The following CR1 variants were observed in gnomAD, a reference collection of about 807,000 sequenced individuals.
CR1 encodes complement C3b/C4b receptor 1 (Knops blood group), also known as complement receptor type 1.
A neutral mutation model predicts 187.3 loss-of-function variants in CR1; 116 were observed. The observed-to-expected ratio is 0.62, with a 90% CI of 0.53 to 0.72. The LOEUF is 0.72. CR1 is among the 30% of genes least tolerant of loss of function. CR1 has a pLI of 0.00. For synonymous variants in CR1, 576 were observed against 747.1 expected (o/e 0.77, Z 3.73); for missense variants, 1,731 against 2,110.7 (o/e 0.82, Z 3.52).
intron 45 of CR1, among the ~76,000 whole-genome samples, chr1:207,624,256 A>G (rs1408621686): frequency 2.0e-5 from 3 of 152,132 alleles, no homozygotes; most frequent in Non-Finnish European, 4.4e-5. Context: ...GAAAGAAAAA[A>G]AACTTGCAAA....
intron 46 of CR1, among the ~76,000 whole-genome samples, chr1:207,638,177 G>A (rs1217511411): frequency 2.0e-5 from 3 of 152,158 alleles, no homozygotes; most frequent in African/African-American, 7.2e-5. Flanking sequence ...TGGCCTGTCT[G>A]TGGGAATTAT....
intron 35 of CR1, among the ~76,000 whole-genome samples, chr1:207,589,134 T>C (rs569328994): frequency 1.3e-5 from 2 of 152,252 alleles, no homozygotes; most frequent in African/African-American, 4.8e-5. Context: ...GGTAATACAG[T>C]TGAGTTGGAG....
intron 34 of CR1, 146 bp downstream of exon 34, chr1:207,587,711 C>T: frequency 1.6e-6 from 1 of 623,320 alleles, no homozygotes; most frequent in Middle Eastern, 4.0e-4. Flanking sequence ...CCAGCCTGGG[C>T]AACATGGCCA....
At chr1:207,606,294 A>G (rs1470022065) in intron 35 of CR1, among the ~76,000 whole-genome samples, 2 of 152,198 alleles carry the variant, frequency 1.3e-5, no homozygotes, top group African/African-American at 4.8e-5. Flanking sequence ...AGTTAGTAAC[A>G]TGGCTATGCC....
At chr1:207,584,958 T>TA in intron 33 of CR1, 82 bp downstream of exon 33, 1 of 1,562,232 alleles carries the variant, frequency 6.4e-7, no homozygotes, top group African/African-American at 1.4e-5. Context: ...AAGACTATGG[T>TA]ATTTGTTTGT....
intron 35 of CR1, among the ~76,000 whole-genome samples, chr1:207,606,832 T>C (rs988559566): frequency 2.6e-5 from 4 of 152,192 alleles, no homozygotes; most frequent in African/African-American, 7.2e-5. Flanking sequence ...AGAGACTATC[T>C]GAGCACCCAA....
At chr1:207,634,788 T>C (rs1248186405) in intron 46 of CR1, among the ~76,000 whole-genome samples, 3 of 152,062 alleles carry the variant, frequency 2.0e-5, no homozygotes, top group Non-Finnish European at 4.4e-5. Flanking sequence ...GGACATGCTT[T>C]CTGAAGCTGA....
At chr1:207,503,076 T>C (rs148018305) in intron 1 of CR1, among the ~76,000 whole-genome samples, 1 of 152,260 alleles carries the variant, frequency 6.6e-6, no homozygotes, top group Non-Finnish European at 1.5e-5. Context: ...CTCTTAGAAG[T>C]CCCCTTACCC....
intron 45 of CR1, among the ~76,000 whole-genome samples, chr1:207,626,683 T>A (rs1662489776): frequency 1.3e-5 from 2 of 152,188 alleles, no homozygotes; most frequent in African/African-American, 4.8e-5. Context: ...GCAGGCTGAC[T>A]TCTACCTCAA....
chr1:207,622,115 A>G (rs1662332084), intron 44 of CR1, 119 bp downstream of exon 44: 5 of 683,546 alleles, frequency 7.3e-6, no homozygotes, highest in South Asian at 2.4e-5. Flanking sequence ...AGAGATCAAA[A>G]TATCTTCAGT....
chr1:207,592,439 A>G (rs780207315), intron 35 of CR1, among the ~76,000 whole-genome samples: 57 of 152,278 alleles, frequency 3.7e-4, no homozygotes, highest in Middle Eastern at 6.8e-3. Flanking sequence ...TTGATGGAAT[A>G]TGTCCCAAAA....
At chr1:207,590,914 A>T (rs968456261) in intron 35 of CR1, among the ~76,000 whole-genome samples, 2 of 152,238 alleles carry the variant, frequency 1.3e-5, no homozygotes, top group African/African-American at 4.8e-5. Flanking sequence ...TATCCTAAAT[A>T]TATATGCACC....
chr1:207,575,271 A>T (rs1286327330), intron 27 of CR1, among the ~76,000 whole-genome samples: 1 of 152,142 alleles, frequency 6.6e-6, no homozygotes, highest in Non-Finnish European at 1.5e-5. Flanking sequence ...GGCAAAAATA[A>T]TATTTAGAGA....
chr1:207,611,892 C>T (rs1661943319), intron 38 of CR1, 39 bp downstream of exon 38: 1 of 1,613,856 alleles, frequency 6.2e-7, no homozygotes, highest in Non-Finnish European at 8.5e-7. Flanking sequence ...CTCTGTTTTC[C>T]CCTTCACATG....
chr1:207,575,757 T>C (rs2102335496), intron 28 of CR1, 77 bp downstream of exon 28: 1 of 1,597,588 alleles, frequency 6.3e-7, no homozygotes, highest in African/African-American at 1.3e-5. Context: ...AAAGAATGGA[T>C]CTCATCCCTC....
chr1:207,578,399 C>T (rs993515781), intron 29 of CR1, among the ~76,000 whole-genome samples, 196 bp downstream of exon 29: 1 of 152,172 alleles, frequency 6.6e-6, no homozygotes. Context: ...GAAAGCAAGA[C>T]CTTAATTAGC....
At chr1:207,585,437 A>T (rs1661084434) in intron 33 of CR1, among the ~76,000 whole-genome samples, 1 of 152,184 alleles carries the variant, frequency 6.6e-6, no homozygotes, top group South Asian at 2.1e-4. Flanking sequence ...GAACTGTTCC[A>T]CTCAGGGGGT....
chr1:207,505,782 G>A, intron 1 of CR1, 122 bp from the exon 2 acceptor site: 1 of 1,106,308 alleles, frequency 9.0e-7, no homozygotes, highest in South Asian at 1.6e-5. Flanking sequence ...GTTGCAGTGA[G>A]CCAAGATAGC....
At chr1:207,500,390 G>A (rs1659230752) in intron 1 of CR1, among the ~76,000 whole-genome samples, 2 of 152,126 alleles carry the variant, frequency 1.3e-5, no homozygotes, top group Non-Finnish European at 2.9e-5. Context: ...TCCTTAAAGG[G>A]TAAGTATGCA....
Sources: gnomAD v4.1 joint callset for allele counts (sites outside exome capture counted in the v4.1 genomes callset) on GRCh38, gnomAD v4.1.1 for gene constraint, MANE v1.5 for transcripts, NCBI Gene and HGNC (gene_info 2026-07-23, HGNC 2026-07-21) for gene names.